Variants in CHRM3 observed in about 807,000 individuals in gnomAD.
The protein encoded by CHRM3 is cholinergic receptor muscarinic 3, also known as muscarinic acetylcholine receptor M3.
In CHRM3, 11 loss-of-function variants were observed where a neutral mutation model predicts 41.8. That is an observed-to-expected ratio of 0.26 (90% CI 0.17 to 0.44). The LOEUF (loss-of-function observed/expected upper bound fraction) is 0.44. CHRM3 is among the 20% of genes least tolerant of loss of function. CHRM3 has a pLI of 1.00. For synonymous variants in CHRM3, 297 were observed against 301.4 expected (o/e 0.99, Z 0.15); for missense variants, 571 against 745.4 (o/e 0.77, Z 2.72).
At chr1:239,397,665 C>G (rs1185864748) in intron 1 of CHRM3, among the ~76,000 whole-genome samples, 1 of 145,292 alleles carries the variant, frequency 6.9e-6, no homozygotes, top group African/African-American at 2.5e-5. Context: ...GAGCGAGACT[C>G]TGTCTCAAAA....
intron 3 of CHRM3, among the ~76,000 whole-genome samples, chr1:239,587,465 G>T (rs1463886638): frequency 2.0e-5 from 3 of 152,136 alleles, no homozygotes; most frequent in Admixed American, 1.3e-4. Flanking sequence ...ACACCAGAAA[G>T]AACTTTTTTC....
intron 3 of CHRM3, among the ~76,000 whole-genome samples, chr1:239,611,665 C>T (rs541069170): frequency 2.2e-4 from 34 of 152,124 alleles, no homozygotes; most frequent in East Asian, 1.2e-3. Flanking sequence ...GTGATCCGCC[C>T]GCCTTGGCCT....
rs557252508 is a variant in CHRM3, at chr1:239,607,947, G to T, written c.-312-24277G>T. On this transcript the variant is annotated intron_variant, in intron 3 of 6. Coordinates refer to ENST00000676153, the MANE Select transcript of CHRM3 (RefSeq NM_001375978.1). Reference sequence around the variant, plus strand: ...CATTATTTGTTTGCATTTAGAATTAGAGAAAGCTTTCACTGGGCAACTACT... The same window carrying T: ...CATTATTTGTTTGCATTTAGAATTATAGAAAGCTTTCACTGGGCAACTACT... Among the ~76,000 whole-genome samples, 11 of 152,182 alleles carry T rather than the reference G, an allele frequency of 7.2e-5. No homozygotes were observed. The South Asian group carries it at 2.3e-3, about 32-fold the overall frequency.
chr1:239,709,361 C>G, intron 5 of CHRM3, among the ~76,000 whole-genome samples: 1 of 152,166 alleles, frequency 6.6e-6, no homozygotes, highest in East Asian at 1.9e-4. Flanking sequence ...TACCGACCGC[C>G]GTGTCTAAAA....
intron 6 of CHRM3, among the ~76,000 whole-genome samples, chr1:239,837,310 C>A (rs534979814): frequency 1.2e-4 from 19 of 152,262 alleles, no homozygotes; most frequent in African/African-American, 4.6e-4. Flanking sequence ...AGAGAAATAT[C>A]CAAGCACCTA....
At chr1:239,502,853 C>A (rs909722955) in intron 2 of CHRM3, among the ~76,000 whole-genome samples, 1 of 152,100 alleles carries the variant, frequency 6.6e-6, no homozygotes, top group African/African-American at 2.4e-5. Context: ...TTGACAAAAT[C>A]CAGCTTCCCT....
At chr1:239,618,988 C>T (rs1308245299) in intron 3 of CHRM3, among the ~76,000 whole-genome samples, 2 of 150,930 alleles carry the variant, frequency 1.3e-5, no homozygotes, top group Non-Finnish European at 3.0e-5. Flanking sequence ...GATCTTGGCT[C>T]ACTGCAACCT....
chr1:239,777,899 A>G (rs998944355), intron 5 of CHRM3, among the ~76,000 whole-genome samples: 1 of 152,146 alleles, frequency 6.6e-6, no homozygotes, highest in African/African-American at 2.4e-5. Flanking sequence ...TCAGGGGAAT[A>G]TAAGAAACAC....
intron 3 of CHRM3, among the ~76,000 whole-genome samples, chr1:239,553,861 G>A (rs1660094966): frequency 6.6e-6 from 1 of 152,160 alleles, no homozygotes; most frequent in African/African-American, 2.4e-5. Flanking sequence ...AACAAGCCTA[G>A]GAAAGGGAGC....
At chr1:239,534,632 A>C (rs1032899026) in intron 2 of CHRM3, among the ~76,000 whole-genome samples, 1 of 152,218 alleles carries the variant, frequency 6.6e-6, no homozygotes, top group Non-Finnish European at 1.5e-5. Context: ...AAGTTGTTGC[A>C]TGGTGCAAAG....
At chr1:239,764,845 A>G (rs530522270) in intron 5 of CHRM3, among the ~76,000 whole-genome samples, 1 of 152,350 alleles carries the variant, frequency 6.6e-6, no homozygotes, top group African/African-American at 2.4e-5. Flanking sequence ...TTACTATTCA[A>G]GAGAGTACTG....
chr1:239,884,795 A>T (rs113393788), intron 6 of CHRM3, among the ~76,000 whole-genome samples: 198 of 152,322 alleles, frequency 1.3e-3, no homozygotes, highest in Non-Finnish European at 2.4e-3. Context: ...CTCTTCATTT[A>T]AAAAAGTCGT....
intron 6 of CHRM3, among the ~76,000 whole-genome samples, chr1:239,850,392 C>G (rs1302425959): frequency 6.6e-6 from 1 of 152,010 alleles, no homozygotes; most frequent in South Asian, 2.1e-4. Flanking sequence ...ACAGAGGTGT[C>G]TGTGGAGGAG....
At chr1:239,520,036 C>T (rs571872203) in intron 2 of CHRM3, among the ~76,000 whole-genome samples, 1 of 152,282 alleles carries the variant, frequency 6.6e-6, no homozygotes, top group South Asian at 2.1e-4. Context: ...CTTACTCTTT[C>T]ACTTTTCTGT....
At chr1:239,663,653 T>C (rs1425423941) in intron 4 of CHRM3, among the ~76,000 whole-genome samples, 1 of 152,262 alleles carries the variant, frequency 6.6e-6, no homozygotes, top group Non-Finnish European at 1.5e-5. Context: ...AATCTGAGAC[T>C]GGAGTTGAAC....
intron 1 of CHRM3, among the ~76,000 whole-genome samples, chr1:239,415,259 G>C (rs906134320): frequency 1.3e-5 from 2 of 152,136 alleles, no homozygotes; most frequent in African/African-American, 4.8e-5. Context: ...GGCCAACATG[G>C]TGAAACTCCG....
At chr1:239,695,850 G>T (rs924571047) in intron 5 of CHRM3, among the ~76,000 whole-genome samples, 3 of 152,090 alleles carry the variant, frequency 2.0e-5, no homozygotes, top group Non-Finnish European at 4.4e-5. Context: ...AACTTTACTT[G>T]TTTGGGGAAT....
At chr1:239,813,904 G>A (rs551279900) in intron 5 of CHRM3, among the ~76,000 whole-genome samples, 172 of 82,498 alleles carry the variant, frequency 2.1e-3, no homozygotes, top group African/African-American at 0.01. Context: ...GCGACAGAGC[G>A]AGACTCCGTC....
chr1:239,676,374 T>C (rs1305284397), intron 4 of CHRM3, among the ~76,000 whole-genome samples: 1 of 152,156 alleles, frequency 6.6e-6, no homozygotes, highest in Non-Finnish European at 1.5e-5. Context: ...AAGTCTATTA[T>C]TGAAACTCAC....
Sources: gnomAD v4.1 joint callset for allele counts (sites outside exome capture counted in the v4.1 genomes callset) on GRCh38, gnomAD v4.1.1 for gene constraint, MANE v1.5 for transcripts, NCBI Gene and HGNC (gene_info 2026-07-23, HGNC 2026-07-21) for gene names.